The following DLGAP2 variants were observed in gnomAD, a reference collection of about 807,000 sequenced individuals.
DLGAP2 encodes disks large-associated protein 2.
A neutral mutation model predicts 100.3 loss-of-function variants in DLGAP2; 26 were observed. That is an observed-to-expected ratio of 0.26 (90% CI 0.19 to 0.36). The LOEUF (loss-of-function observed/expected upper bound fraction) is 0.36, where lower values mean the gene tolerates loss of function less well. Ranked by LOEUF, DLGAP2 falls within the 10% of genes least tolerant of loss-of-function variation. DLGAP2 has a pLI of 1.00. For synonymous variants in DLGAP2, 886 were observed against 630.1 expected (o/e 1.41, Z -6.08); for missense variants, 1,858 against 1,453.2 (o/e 1.28, Z -4.53).
intron 3 of DLGAP2, among the ~76,000 whole-genome samples, chr8:1,361,275 G>A (rs1389408408): frequency 6.6e-6 from 1 of 152,188 alleles, no homozygotes; most frequent in Non-Finnish European, 1.5e-5. Context: ...TTCTCCAGTC[G>A]ACATTTCATG....
At chr8:1,459,377 T>C (rs1007281293) in intron 3 of DLGAP2, among the ~76,000 whole-genome samples, 4 of 152,206 alleles carry the variant, frequency 2.6e-5, no homozygotes, top group African/African-American at 9.6e-5. Context: ...CTGCTGAGCA[T>C]GTTAATATTT....
At chr8:1,138,952 C>T (rs1003221885) in intron 2 of DLGAP2, among the ~76,000 whole-genome samples, 1 of 152,132 alleles carries the variant, frequency 6.6e-6, no homozygotes, top group Non-Finnish European at 1.5e-5. Flanking sequence ...GTGGGAAACT[C>T]TTCCTGTTTA....
chr8:1,344,271 G>T (rs116877463), intron 3 of DLGAP2, among the ~76,000 whole-genome samples: 1 of 151,364 alleles, frequency 6.6e-6, no homozygotes, highest in African/African-American at 2.4e-5. Context: ...CTCGAGCTAC[G>T]TGCCCAGGCA....
At chr8:1,182,109 C>G (rs1319155052) in intron 2 of DLGAP2, among the ~76,000 whole-genome samples, 7 of 152,258 alleles carry the variant, frequency 4.6e-5, no homozygotes, top group Admixed American at 4.6e-4. Context: ...CAGCTCACAA[C>G]AGCGTCTCCT....
At chr8:1,592,887 T>G (rs1796333483) in intron 6 of DLGAP2, among the ~76,000 whole-genome samples, 1 of 152,192 alleles carries the variant, frequency 6.6e-6, no homozygotes, top group Non-Finnish European at 1.5e-5. Context: ...TACACTAGCA[T>G]TTTAGTTTCA....
At chr8:1,537,860 A>C (rs1037719814) in intron 4 of DLGAP2, among the ~76,000 whole-genome samples, 3 of 152,250 alleles carry the variant, frequency 2.0e-5, no homozygotes, top group Non-Finnish European at 4.4e-5. Context: ...TTCAGAGAAA[A>C]GAGAGCTAAA....
intron 3 of DLGAP2, among the ~76,000 whole-genome samples, chr8:1,337,350 G>A (rs538139266): frequency 1.2e-4 from 6 of 50,476 alleles, no homozygotes; most frequent in Non-Finnish European, 2.2e-4. Flanking sequence ...TAGTGAGGAT[G>A]ATGGGGGTGA....
In DLGAP2 at chr8:1,287,315, G is replaced by T. The variant is rs545967795; in HGVS notation, c.106+28432G>T. ...GGAGGGGAACTAGTTTCGGTTCAGC[G>T]TGTGTGTGTGTGTGTGTGCGTGGTT... On this transcript the variant is annotated intron_variant, in intron 3 of 14. Coordinates refer to ENST00000637795, the MANE Select transcript of DLGAP2 (RefSeq NM_001346810.2). 4.5e-5 allele frequency among the ~76,000 whole-genome samples: 6 copies of T among 133,346 alleles called. No homozygotes were observed. The South Asian group carries it at 1.3e-3, about 28-fold the overall frequency. The allele number at this position is 133,346 out of a possible 152,430, so 87.5% of individuals were successfully genotyped here.
At chr8:1,308,419 G>A (rs1482666280) in intron 3 of DLGAP2, among the ~76,000 whole-genome samples, 5 of 152,166 alleles carry the variant, frequency 3.3e-5, no homozygotes, top group African/African-American at 9.7e-5. Context: ...GGTTTCCAGA[G>A]TCAGCCCCTT....
rs111603351 is a variant in DLGAP2 at position 1,595,688 on chromosome 8, A to G, written c.1442+29794A>G. 7.2e-4 allele frequency among the ~76,000 whole-genome samples: 106 copies of G among 147,840 alleles called. 3 individuals are homozygous for G. The highest frequency in any genetic ancestry group is 1.0e-3 in the African/African-American group (42 of 40,690). On this transcript the variant is annotated intron_variant, in intron 6 of 14. Transcript: ENST00000637795. ...GACTCCGTCTCAAAAAAAAAAAAAAAAAAGAAATAGGTCATTCCGGAAGCC... is the reference window on the plus strand; with the variant it reads ...GACTCCGTCTCAAAAAAAAAAAAAAGAAAGAAATAGGTCATTCCGGAAGCC...
chr8:1,632,712 T>C, intron 7 of DLGAP2, 115 bp from the exon 8 acceptor site: 1 of 1,002,108 alleles, frequency 1.0e-6, no homozygotes, highest in Non-Finnish European at 1.5e-6. Context: ...TTAACTGTGC[T>C]GAACTATGAG....
At chr8:1,470,855 CT>C (rs1406630990) in intron 3 of DLGAP2, among the ~76,000 whole-genome samples, 10 of 36,530 alleles carry the variant, frequency 2.7e-4, no homozygotes, top group African/African-American at 5.0e-4. Flanking sequence ...TTCCCGACCC[CT>C]CCAGCCTTTC....
At chr8:1,551,698 C>T (rs1292464633) in intron 5 of DLGAP2, among the ~76,000 whole-genome samples, 9 of 152,176 alleles carry the variant, frequency 5.9e-5, no homozygotes, top group Admixed American at 2.0e-4. Context: ...TCTGCACTCA[C>T]GCCTTCCCAC....
intron 3 of DLGAP2, among the ~76,000 whole-genome samples, chr8:1,380,583 A>G (rs1796069106): frequency 2.0e-5 from 3 of 152,160 alleles, no homozygotes; most frequent in African/African-American, 7.2e-5. Context: ...GACGTGAATT[A>G]AAGTCCACAT....
chr8:1,329,426 G>A (rs556357524), intron 3 of DLGAP2, among the ~76,000 whole-genome samples: 2 of 152,106 alleles, frequency 1.3e-5, no homozygotes, highest in African/African-American at 4.8e-5. Context: ...TTTTTCGAAG[G>A]TCATTTTAGA....
intron 1 of DLGAP2, among the ~76,000 whole-genome samples, chr8:899,670 A>C (rs916587054): frequency 6.6e-6 from 1 of 152,208 alleles, no homozygotes; most frequent in Admixed American, 6.5e-5. Context: ...ATCTCATCTC[A>C]TAGCTTGTAA....
At chr8:831,714 C>T (rs1796787032) in intron 1 of DLGAP2, among the ~76,000 whole-genome samples, 1 of 152,068 alleles carries the variant, frequency 6.6e-6, no homozygotes, top group South Asian at 2.1e-4. Flanking sequence ...GATTTATAAT[C>T]CTTTGGGTAT....
intron 3 of DLGAP2, among the ~76,000 whole-genome samples, chr8:1,358,747 C>G (rs971891506): frequency 1.3e-5 from 2 of 152,132 alleles, no homozygotes; most frequent in Non-Finnish European, 2.9e-5. Flanking sequence ...AGGGGCAACC[C>G]TGGCCTATTC....
intron 3 of DLGAP2, among the ~76,000 whole-genome samples, chr8:1,298,547 C>T (rs1800248885): frequency 6.6e-6 from 1 of 152,084 alleles, no homozygotes; most frequent in Admixed American, 6.5e-5. Flanking sequence ...AGAAGAGTGG[C>T]AGTCGCTGAG....
Sources: gnomAD v4.1 joint callset for allele counts (sites outside exome capture counted in the v4.1 genomes callset) on GRCh38, gnomAD v4.1.1 for gene constraint, MANE v1.5 for transcripts, NCBI Gene and HGNC (gene_info 2026-07-23, HGNC 2026-07-21) for gene names.